STXBP4: variants seen among roughly 807,000 people sequenced by gnomAD.
STXBP4 encodes syntaxin binding protein 4.
A neutral mutation model predicts 76.1 loss-of-function variants in STXBP4; 55 were observed. The ratio of observed to expected loss-of-function variants is 0.72; its 90% confidence interval spans 0.58 to 0.91. The LOEUF (loss-of-function observed/expected upper bound fraction) is 0.91, where lower values mean the gene tolerates loss of function less well. Among genes scored for constraint, STXBP4 ranks in the 40% least tolerant of loss-of-function variants. The pLI is 0.00. For synonymous variants in STXBP4, 201 were observed against 220.2 expected (o/e 0.91, Z 0.77); for missense variants, 618 against 636.9 (o/e 0.97, Z 0.32).
chr17:55,210,504 C>T, the STXBP4 span, among the ~76,000 whole-genome samples: 2 of 152,142 alleles, frequency 1.3e-5, no homozygotes, highest in Admixed American at 6.6e-5. Flanking sequence ...TATTACTTCT[C>T]TTGATAAAGT....
intron 8 of STXBP4, among the ~76,000 whole-genome samples, chr17:55,023,945 A>ACACTAGAG (rs2078365954): frequency 6.6e-6 from 1 of 150,856 alleles, no homozygotes; most frequent in African/African-American, 2.4e-5. Context: ...AAAAAAGAAA[A>ACACTAGAG]CACTAGAGAA....
At chr17:55,141,389 A>G in intron 17 of STXBP4, 22 bp downstream of exon 17, 1 of 1,600,792 alleles carries the variant, frequency 6.2e-7, no homozygotes, top group Non-Finnish European at 8.5e-7. Context: ...CATCTCAACC[A>G]AGTAAGCAAT....
At chr17:55,187,271 C>G in the STXBP4 span, among the ~76,000 whole-genome samples, 2 of 151,980 alleles carry the variant, frequency 1.3e-5, no homozygotes, top group African/African-American at 2.4e-5. Context: ...GAAACCTTGC[C>G]CAGAAGATGA....
chr17:55,142,878 G>C (rs1286513748), intron 17 of STXBP4, among the ~76,000 whole-genome samples: 1 of 152,150 alleles, frequency 6.6e-6, no homozygotes, highest in Non-Finnish European at 1.5e-5. Context: ...TACATTTAGT[G>C]CCACACTCTT....
chr17:55,161,399 C>G lies in STXBP4; in HGVS notation c.*1488C>G, dbSNP rs1775171807. ...GTTTTGAGAGAAGCCCCAGAGGGAG[C>G]TATTTCCTTGCACCCCCCAGAGGTG... On this transcript the variant is annotated 3_prime_UTR_variant, in exon 18 of 18. Transcript: ENST00000376352. 6.6e-6 allele frequency: 1 copy of G among 152,148 alleles called. No individual in the cohort carries two copies. The highest frequency in any genetic ancestry group is 2.4e-5 in the African/African-American group (1 of 41,430). The allele number at this position is 152,148 out of a possible 1,614,324, so 9.4% of individuals were successfully genotyped here.
At chr17:55,077,425 C>T in intron 13 of STXBP4, among the ~76,000 whole-genome samples, 1 of 152,212 alleles carries the variant, frequency 6.6e-6, no homozygotes, top group African/African-American at 2.4e-5. Flanking sequence ...TCAGGAGAAA[C>T]TTTTTTACTC....
At chr17:55,003,686 C>A (rs1488831033) in intron 7 of STXBP4, among the ~76,000 whole-genome samples, 1 of 152,144 alleles carries the variant, frequency 6.6e-6, no homozygotes, top group Non-Finnish European at 1.5e-5. Flanking sequence ...ATCTAAAAAT[C>A]ATCCCAAAGT....
In STXBP4 at chr17:55,164,785, A is replaced by C. The variant is rs2080368148; in HGVS notation, c.*4874A>C. 1 of 152,198 alleles carries C rather than the reference A, an allele frequency of 6.6e-6. No individual in the cohort carries two copies. The highest frequency in any genetic ancestry group is 2.4e-5 in the African/African-American group (1 of 41,420). The allele number at this position is 152,198 out of a possible 1,614,324, so 9.4% of individuals were successfully genotyped here. A position where few individuals can be genotyped will look rare whatever the true frequency, so the allele number is the denominator to read the frequency against. ...TTACATTATTTATCAGTTTGCCCTA[A>C]CCTTGTTTTGTTTGTTATCTTCCTC... is the stretch of plus-strand genomic sequence containing the variant. On this transcript the variant is annotated 3_prime_UTR_variant, in exon 18 of 18. Coordinates refer to ENST00000376352, the MANE Select transcript of STXBP4 (RefSeq NM_178509.6).
the STXBP4 span, among the ~76,000 whole-genome samples, chr17:55,182,373 G>T: frequency 6.6e-6 from 1 of 152,016 alleles, no homozygotes; most frequent in Non-Finnish European, 1.5e-5. Flanking sequence ...TTAAAACAGG[G>T]AAATGGAAGA....
At chr17:55,153,865 A>G (rs2080243660) in intron 17 of STXBP4, among the ~76,000 whole-genome samples, 1 of 152,224 alleles carries the variant, frequency 6.6e-6, no homozygotes, top group Non-Finnish European at 1.5e-5. Flanking sequence ...TATTTAAAGT[A>G]GCATAAAAAT....
intron 16 of STXBP4, among the ~76,000 whole-genome samples, chr17:55,083,007 G>T (rs1005758649): frequency 7.9e-5 from 12 of 151,692 alleles, no homozygotes; most frequent in African/African-American, 2.9e-4. Context: ...TATTACCCAG[G>T]CTGGAGTGCA....
chr17:55,178,754 G>T, the STXBP4 span, among the ~76,000 whole-genome samples: 1 of 152,162 alleles, frequency 6.6e-6, no homozygotes, highest in East Asian at 1.9e-4. Flanking sequence ...GGACAGCTGA[G>T]GTCCAGTTCA....
At position 54,999,695 on chromosome 17, in the gene STXBP4, T is replaced by C. The variant is rs547843075; in HGVS notation, c.351T>C (p.Asn117=). ...RQKSDNIQPE[N]LSCTSLIEAS... is the part of the protein sequence containing the mutation. ...AATCCGACAACATTCAGCCAGAAAA[T>C]CTGTCATGTACATCACTTATAGAAG... Residue 117 remains asparagine, a synonymous_variant, in exon 6 of 18, where the codon AAT becomes AAC. Transcript: ENST00000376352. The C allele has an allele frequency of 1.9e-6, 3 of 1,613,664 alleles. No individual in the cohort carries two copies. Among genetic ancestry groups the C allele is most frequent in the South Asian group, 2.2e-5 (2 of 91,062 alleles).
chr17:55,062,265 G>A (rs1367647826), intron 12 of STXBP4, among the ~76,000 whole-genome samples: 1 of 152,028 alleles, frequency 6.6e-6, no homozygotes, highest in Non-Finnish European at 1.5e-5. Flanking sequence ...ACAGGCCCCA[G>A]TGTGTGATGA....
intron 8 of STXBP4, among the ~76,000 whole-genome samples, chr17:55,015,952 G>T (rs1180791420): frequency 1.3e-5 from 2 of 152,194 alleles, no homozygotes; most frequent in Admixed American, 6.5e-5. Context: ...AGGAGGCCAG[G>T]TTTCTCCCCC....
chr17:55,051,549 A>G (rs16955527), intron 12 of STXBP4, among the ~76,000 whole-genome samples: 7,062 of 152,228 alleles, frequency 0.046, 573 homozygotes, highest in African/African-American at 0.16. Context: ...GTTGTTGAGA[A>G]GCAGAATCTC....
In STXBP4 at chr17:55,073,033, C is replaced by T. The variant is rs983645916; in HGVS notation, c.1145C>T (p.Thr382Ile). 30 of 1,613,798 alleles carry T rather than the reference C, an allele frequency of 1.9e-5. No individual in the cohort carries two copies. Among genetic ancestry groups the T allele is most frequent in the Non-Finnish European group, 2.5e-5 (30 of 1,179,898 alleles). The change falls in exon 13 of 18, where the codon ACA (threonine) becomes ATA (isoleucine). Residue 382 changes from threonine (T) to isoleucine (I), a missense_variant. By Grantham distance (89) the Thr-to-Ile change is moderately conservative. Transcript: ENST00000376352. ...EVIRLLEAKI[T>I]ELKAQLADYS... ...ATCCGTCTGTTAGAGGCCAAGATTA[C>T]AGAGCTAAAGGCTCAGCTTGCTGAT...
At chr17:54,972,291 C>CCT in intron 1 of STXBP4, among the ~76,000 whole-genome samples, 1 of 152,140 alleles carries the variant, frequency 6.6e-6, no homozygotes, top group Non-Finnish European at 1.5e-5. Flanking sequence ...ATCATATTTT[C>CCT]TCCTGCCAGA....
intron 1 of STXBP4, among the ~76,000 whole-genome samples, chr17:54,979,594 C>A (rs909809048): frequency 6.6e-6 from 1 of 152,176 alleles, no homozygotes; most frequent in Non-Finnish European, 1.5e-5. Context: ...AGTCTACAGC[C>A]ATACCACCCT....
Sources: allele counts gnomAD v4.1 joint callset (sites outside exome capture counted in the v4.1 genomes callset), GRCh38; gene constraint gnomAD v4.1.1; transcripts MANE v1.5; gene names NCBI Gene and HGNC (gene_info 2026-07-23, HGNC 2026-07-21).